Variants in SECTM1 observed in about 807,000 individuals in gnomAD.
SECTM1 encodes the protein secreted and transmembrane 1, also known as secreted and transmembrane protein 1.
Under a neutral mutation model 18.1 loss-of-function variants are expected in SECTM1, and 10 were observed. The observed-to-expected ratio is 0.55, with a 90% CI of 0.34 to 0.94. The LOEUF is 0.94. Among genes scored for constraint, SECTM1 ranks in the 40% least tolerant of loss-of-function variants. SECTM1 has a pLI of 0.02. For missense variants in SECTM1, 297 were observed against 322.6 expected (o/e 0.92, Z 0.61); for synonymous variants, 137 against 139.2 (o/e 0.98, Z 0.11).
intron 1 of SECTM1, among the ~76,000 whole-genome samples, chr17:82,331,087 G>T (rs534842166): frequency 6.6e-6 from 1 of 152,332 alleles, no homozygotes; most frequent in Non-Finnish European, 1.5e-5. Flanking sequence ...CCAGCCAGGG[G>T]TGAAGGGCGG....
chr17:82,331,024 C>T lies in SECTM1; in HGVS notation c.-53+2676G>A, dbSNP rs115456111. 8.4e-3 allele frequency among the ~76,000 whole-genome samples: 1,278 copies of T among 152,326 alleles called. 23 individuals carry two copies. The highest frequency in any genetic ancestry group is 0.029 in the African/African-American group (1,208 of 41,568). ...CCCGGTCCTCCCTTCCTCCCAGCACCTTCACCAGCTCCCCACTGAGTGCCC... is the reference window on the plus strand; with the variant it reads ...CCCGGTCCTCCCTTCCTCCCAGCACTTTCACCAGCTCCCCACTGAGTGCCC... On this transcript the variant is annotated intron_variant, in intron 1 of 4. Transcript: ENST00000269389.
rs1298405923 is a variant in SECTM1, at chr17:82,325,988, G to A, written c.95-1098C>T. ...TGGGCTTCAGGGGCACCTGGCCTTCGGGCTGGACTGAGTTTCCTCTGACGA... is the reference window on the plus strand; with the variant it reads ...TGGGCTTCAGGGGCACCTGGCCTTCAGGCTGGACTGAGTTTCCTCTGACGA... On this transcript the variant is annotated intron_variant, in intron 2 of 4. Transcript: ENST00000269389. The surrounding 1 kb of genome is among the most constrained non-coding windows in gnomAD (Gnocchi z 7.6). 2.0e-5 allele frequency among the ~76,000 whole-genome samples: 3 copies of A among 152,246 alleles called. No homozygotes were observed. The highest frequency in any genetic ancestry group is 6.5e-5 in the Admixed American group (1 of 15,290).
chr17:82,323,397 C>G (rs1370160073), intron 3 of SECTM1: 3 of 205,100 alleles, frequency 1.5e-5, no homozygotes, highest in Non-Finnish European at 3.0e-5. Flanking sequence ...GAGCCTCATG[C>G]CTGAGCCCAG....
In SECTM1 at chr17:82,326,488, A is replaced by G. The variant is rs1349272334; in HGVS notation, c.94+659T>C. ...GGTGTGCATGCCTGTAGTCCCAGCT[A>G]CTCGGGAGGCTGAGGTGGGAGGATC... On this transcript the variant is annotated intron_variant, in intron 2 of 4. Transcript: ENST00000269389. This position sits in a 1 kb window ranked among gnomAD's most constrained non-coding sequence, Gnocchi z 4.3. Among the ~76,000 whole-genome samples, 1 of 151,360 alleles carries G rather than the reference A, an allele frequency of 6.6e-6. No homozygotes were observed. The highest frequency in any genetic ancestry group is 1.5e-5 in the Non-Finnish European group (1 of 67,868).
At position 82,322,390 on chromosome 17, in the gene SECTM1, G is replaced by A. The variant is rs370838224; in HGVS notation, c.538-20C>T. ...CTTCTTCTGCAGGGGGAGGAAGGAG[G>A]TGCCTGTGTGAGCCGCGCGCCCCCG... On this transcript the variant is annotated intron_variant, in intron 4 of 4. Transcript: ENST00000269389. 1.1e-5 allele frequency: 18 copies of A among 1,610,992 alleles called. No homozygotes were observed. Among genetic ancestry groups the A allele is most frequent in the Non-Finnish European group, 1.3e-5 (15 of 1,177,878 alleles).
chr17:82,332,337 G>C (rs1239801261), intron 1 of SECTM1, among the ~76,000 whole-genome samples: 1 of 152,208 alleles, frequency 6.6e-6, no homozygotes, highest in African/African-American at 2.4e-5. Flanking sequence ...GAAAGTTCAC[G>C]CACCGCCCAG....
At chr17:82,327,830 G>A (rs1219227675) in intron 1 of SECTM1, among the ~76,000 whole-genome samples, 1 of 152,042 alleles carries the variant, frequency 6.6e-6, no homozygotes, top group East Asian at 1.9e-4. Flanking sequence ...GTCCTGTCCA[G>A]ACCTCCAGTC....
At chr17:82,333,023 CA>C (rs1247794919) in intron 1 of SECTM1, among the ~76,000 whole-genome samples, 1 of 152,226 alleles carries the variant, frequency 6.6e-6, no homozygotes, top group Non-Finnish European at 1.5e-5. Context: ...GCGGAGTCAG[CA>C]AAACCCGCGT....
intron 1 of SECTM1, among the ~76,000 whole-genome samples, chr17:82,327,878 C>T (rs948469317): frequency 1.3e-5 from 2 of 151,850 alleles, no homozygotes; most frequent in Admixed American, 1.3e-4. Context: ...ACCCAGGGTC[C>T]GACTCCCCCA....
chr17:82,331,149 G>A (rs1046479161), intron 1 of SECTM1, among the ~76,000 whole-genome samples: 7 of 152,078 alleles, frequency 4.6e-5, no homozygotes, highest in Non-Finnish European at 1.0e-4. Flanking sequence ...CCTTCCTGTC[G>A]GTCCACACCC....
chr17:82,333,475 G>C (rs944956551), intron 1 of SECTM1, among the ~76,000 whole-genome samples: 3 of 152,096 alleles, frequency 2.0e-5, no homozygotes, highest in African/African-American at 7.2e-5. Context: ...AGGGCCAGCG[G>C]GGGGTGACGG....
rs2052177300 is a variant in SECTM1, at chr17:82,329,804, A to C, written c.-52-2512T>G. The stretch of plus-strand genomic sequence containing the variant: ...ATGGCCCCTCTGCCATCTCCCCACC[A>C]CTGCCCCCCAGCTGCTTCCCTCATC... On this transcript the variant is annotated intron_variant, in intron 1 of 4. Transcript: ENST00000269389. This position sits in a 1 kb window ranked among gnomAD's most constrained non-coding sequence, Gnocchi z 7.6. Among the ~76,000 whole-genome samples, 1 of 150,396 alleles carries C rather than the reference A, an allele frequency of 6.6e-6. No homozygotes were observed. Among genetic ancestry groups the C allele is most frequent in the South Asian group, 2.1e-4 (1 of 4,712 alleles).
chr17:82,330,678 C>G lies in SECTM1; in HGVS notation c.-53+3022G>C, dbSNP rs370755196. On this transcript the variant is annotated intron_variant, in intron 1 of 4. Transcript: ENST00000269389. The surrounding 1 kb of genome is among the most constrained non-coding windows in gnomAD (Gnocchi z 6.1). ...TGTGCATTCCATGGGGCCAGCAGCT[C>G]GGTGGAGCCTCTGCTCTCGGGGGCT... 4.6e-4 allele frequency among the ~76,000 whole-genome samples: 70 copies of G among 152,166 alleles called. No homozygotes were observed. Among genetic ancestry groups the G allele is most frequent in the African/African-American group, 1.7e-3 (69 of 41,516 alleles).
chr17:82,323,553 G>C (rs866163259), intron 3 of SECTM1, among the ~76,000 whole-genome samples: 1 of 151,824 alleles, frequency 6.6e-6, no homozygotes, highest in Middle Eastern at 3.4e-3. Flanking sequence ...AGGGAGGGGA[G>C]GGGTGGGGAG....
At chr17:82,333,302 C>T (rs1599658322) in intron 1 of SECTM1, among the ~76,000 whole-genome samples, 1 of 152,222 alleles carries the variant, frequency 6.6e-6, no homozygotes, top group East Asian at 1.9e-4. Flanking sequence ...ACCCATCGGA[C>T]TTAGGGGAGC....
Position 82,326,450 on chromosome 17 carries a change from T to C in SECTM1, c.94+697A>G, listed in dbSNP as rs2052146120. Among the ~76,000 whole-genome samples, 1 of 151,298 alleles carries C rather than the reference T, an allele frequency of 6.6e-6. No homozygotes were observed. The highest frequency in any genetic ancestry group is 1.5e-5 in the Non-Finnish European group (1 of 67,806). ...CCCCATCTCTACAAAAAATACACAA[T>C]TTAGCCAGGTATGGTGTGCATGCCT... On this transcript the variant is annotated intron_variant, in intron 2 of 4. Transcript: ENST00000269389. This position sits in a 1 kb window ranked among gnomAD's most constrained non-coding sequence, Gnocchi z 4.3.
chr17:82,331,823 G>T (rs1360685909), intron 1 of SECTM1, among the ~76,000 whole-genome samples: 1 of 152,252 alleles, frequency 6.6e-6, no homozygotes, highest in Non-Finnish European at 1.5e-5. Flanking sequence ...GGTACAGGGA[G>T]ACGAGGCGCA....
At position 82,331,001 on chromosome 17, in the gene SECTM1, C is replaced by T. The variant is rs538948396; in HGVS notation, c.-53+2699G>A. On this transcript the variant is annotated intron_variant, in intron 1 of 4. Coordinates refer to ENST00000269389, the MANE Select transcript of SECTM1 (RefSeq NM_003004.3). ...CGCGGGTCCTCTCACTGCCTCTCCC[C>T]GGTCCTCCCTTCCTCCCAGCACCTT... Among the ~76,000 whole-genome samples the T allele has an allele frequency of 1.4e-4, 22 of 152,324 alleles. No individual in the cohort carries two copies. The South Asian group carries it at 3.9e-3, about 27-fold the overall frequency.
At chr17:82,324,549 C>A (rs749250932) in intron 3 of SECTM1, 33 bp downstream of exon 3, 16 of 1,501,538 alleles carry the variant, frequency 1.1e-5, no homozygotes, top group Non-Finnish European at 1.5e-5. Flanking sequence ...CCTCTCACTC[C>A]CCTCCCCCTT....
Sources: allele counts gnomAD v4.1 joint callset (sites outside exome capture counted in the v4.1 genomes callset), GRCh38; gene constraint gnomAD v4.1.1; non-coding constraint Gnocchi (gnomAD v3.1); transcripts MANE v1.5; gene names NCBI Gene and HGNC (gene_info 2026-07-23, HGNC 2026-07-21).